Variants in MTF2 observed in about 807,000 individuals in gnomAD.
The protein encoded by MTF2 is metal-response element-binding transcription factor 2.
In MTF2, 11 loss-of-function variants were observed where a neutral mutation model predicts 79.5. The observed-to-expected ratio is 0.14, with a 90% CI of 0.09 to 0.23. The LOEUF (loss-of-function observed/expected upper bound fraction) is 0.23. MTF2 is among the 10% of genes least tolerant of loss of function. MTF2 has a pLI of 1.00. For synonymous variants in MTF2, 208 were observed against 232.8 expected (o/e 0.89, Z 0.97); for missense variants, 486 against 711.2 (o/e 0.68, Z 3.60).
intron 1 of MTF2, among the ~76,000 whole-genome samples, chr1:93,091,144 A>C (rs1334218062): frequency 6.6e-6 from 1 of 152,182 alleles, no homozygotes; most frequent in Non-Finnish European, 1.5e-5. Context: ...ATTTGAAGTC[A>C]GTGCTCGTAT....
intron 6 of MTF2, among the ~76,000 whole-genome samples, chr1:93,116,164 C>A (rs1378524563): frequency 6.6e-6 from 1 of 152,136 alleles, no homozygotes; most frequent in East Asian, 1.9e-4. Context: ...CTCAAGTTAT[C>A]CTCCTGTCTC....
intron 1 of MTF2, among the ~76,000 whole-genome samples, chr1:93,094,586 C>T (rs1295900727): frequency 4.6e-5 from 7 of 151,828 alleles, no homozygotes; most frequent in African/African-American, 1.7e-4. Context: ...ATTTCCTAAC[C>T]TGTATTTTGC....
intron 6 of MTF2, 84 bp from the exon 7 acceptor site, chr1:93,118,261 C>CTT (rs34049352): frequency 0.026 from 13,069 of 504,152 alleles, 1,388 homozygotes; most frequent in African/African-American, 0.25. Context: ...GATTAGGCCA[C>CTT]TTTTTTTTTT....
At chr1:93,128,879 TTC>T (rs1656809810) in intron 10 of MTF2, 1 of 152,956 alleles carries the variant, frequency 6.5e-6, no homozygotes, top group Non-Finnish European at 1.5e-5. Flanking sequence ...ACTAAGGTTT[TTC>T]TCTTTATAAA....
intron 1 of MTF2, among the ~76,000 whole-genome samples, chr1:93,099,048 G>A (rs1045678841): frequency 2.0e-5 from 3 of 152,068 alleles, no homozygotes; most frequent in African/African-American, 4.8e-5. Context: ...TTGTCCAGCC[G>A]CTCAGGTAAA....
intron 11 of MTF2, among the ~76,000 whole-genome samples, chr1:93,133,378 G>C (rs1022316930): frequency 7.9e-5 from 12 of 151,994 alleles, no homozygotes; most frequent in African/African-American, 2.7e-4. Flanking sequence ...TAGGAGTTTT[G>C]AAATCTTCCA....
At chr1:93,115,349 G>T in intron 5 of MTF2, 121 bp from the exon 6 acceptor site, 1 of 828,920 alleles carries the variant, frequency 1.2e-6, no homozygotes, top group Non-Finnish European at 1.8e-6. Context: ...CAGACAGTTT[G>T]TGATATGGTA....
At chr1:93,112,134 C>T (rs906159341) in intron 3 of MTF2, among the ~76,000 whole-genome samples, 1 of 152,178 alleles carries the variant, frequency 6.6e-6, no homozygotes, top group African/African-American at 2.4e-5. Flanking sequence ...TCTTTCTTCA[C>T]TGGTTCCTTT....
At chr1:93,090,009 C>T (rs1234717592) in intron 1 of MTF2, among the ~76,000 whole-genome samples, 1 of 152,046 alleles carries the variant, frequency 6.6e-6, no homozygotes, top group East Asian at 1.9e-4. Context: ...TGGAGTCTCG[C>T]TCTGTCCCCC....
At chr1:93,120,145 G>A (rs1656412341) in intron 8 of MTF2, 2 of 153,530 alleles carry the variant, frequency 1.3e-5, no homozygotes, top group Admixed American at 1.3e-4. Flanking sequence ...ATTTAGCCTA[G>A]CGTGGTGGTG....
chr1:93,131,667 G>C (rs1159882490), intron 11 of MTF2, among the ~76,000 whole-genome samples: 2 of 152,210 alleles, frequency 1.3e-5, no homozygotes, highest in African/African-American at 2.4e-5. Context: ...TGAAGAGGGG[G>C]ATAGGACTAG....
chr1:93,103,443 A>G, intron 1 of MTF2, among the ~76,000 whole-genome samples: 1 of 151,538 alleles, frequency 6.6e-6, no homozygotes, highest in East Asian at 1.9e-4. Context: ...TACGTAACAG[A>G]TGGAAATTAC....
chr1:93,129,533 G>C, intron 11 of MTF2, 85 bp downstream of exon 11: 3 of 950,818 alleles, frequency 3.2e-6, no homozygotes, highest in African/African-American at 1.7e-5. Context: ...TAGTATATTT[G>C]AAAGTACAAG....
intron 1 of MTF2, among the ~76,000 whole-genome samples, chr1:93,090,517 G>A (rs893484881): frequency 6.6e-6 from 1 of 152,168 alleles, no homozygotes; most frequent in Non-Finnish European, 1.5e-5. Flanking sequence ...CAAAGTGCTG[G>A]GATTACAGGC....
At chr1:93,131,309 T>G (rs1303203458) in intron 11 of MTF2, among the ~76,000 whole-genome samples, 1 of 152,138 alleles carries the variant, frequency 6.6e-6, no homozygotes, top group Non-Finnish European at 1.5e-5. Context: ...TGAATGCTAG[T>G]GAGAGGTAGA....
chr1:93,104,342 T>A (rs1362403685), intron 1 of MTF2, among the ~76,000 whole-genome samples: 1 of 152,124 alleles, frequency 6.6e-6, no homozygotes, highest in Non-Finnish European at 1.5e-5. Context: ...TAGAGTCTAT[T>A]TTTTACTTAA....
At chr1:93,090,913 T>C (rs1369958129) in intron 1 of MTF2, among the ~76,000 whole-genome samples, 1 of 152,182 alleles carries the variant, frequency 6.6e-6, no homozygotes, top group Non-Finnish European at 1.5e-5. Context: ...TCCGCCCACC[T>C]CGGCCTCCCA....
intron 1 of MTF2, among the ~76,000 whole-genome samples, chr1:93,100,496 G>A (rs1557546245): frequency 2.0e-5 from 3 of 152,018 alleles, no homozygotes; most frequent in East Asian, 1.9e-4. Context: ...TAGTAGAGAC[G>A]GAGTTTCACT....
chr1:93,114,660 CT>C, intron 3 of MTF2, 27 bp from the exon 4 acceptor site: 1 of 1,549,384 alleles, frequency 6.5e-7, no homozygotes, highest in South Asian at 1.2e-5. Flanking sequence ...TTATGACTCT[CT>C]TTTTTAATGT....
Sources: allele counts gnomAD v4.1 joint callset (sites outside exome capture counted in the v4.1 genomes callset), GRCh38; gene constraint gnomAD v4.1.1; transcripts MANE v1.5; gene names NCBI Gene and HGNC (gene_info 2026-07-23, HGNC 2026-07-21).